HIVEP3: variants seen among roughly 807,000 people sequenced by gnomAD.
The protein encoded by HIVEP3 is transcription factor HIVEP3.
Under a neutral mutation model 152.8 loss-of-function variants are expected in HIVEP3, and 49 were observed. That is an observed-to-expected ratio of 0.32 (90% CI 0.26 to 0.41). HIVEP3 has a LOEUF of 0.41. Ranked by LOEUF, HIVEP3 falls within the 10% of genes least tolerant of loss-of-function variation. The pLI is 1.00. For synonymous variants in HIVEP3, 1,269 were observed against 1,289.0 expected (o/e 0.98, Z 0.33); for missense variants, 2,790 against 3,103.3 (o/e 0.90, Z 2.40).
At position 41,880,061 on chromosome 1, in the gene HIVEP3, CTCTTTTT is replaced by C. The variant is rs574657885; in HGVS notation, c.-801+38345_-801+38351del. ...TAATTAGCTTGCCTGGGATCATCCT[CTCTTTTT>C]TCTTTTTTCTGAGATGGGTCTCACT... On this transcript the variant is annotated intron_variant, in intron 1 of 8. Coordinates refer to ENST00000372583, the MANE Select transcript of HIVEP3 (RefSeq NM_024503.5). Among the ~76,000 whole-genome samples the C allele has an allele frequency of 3.3e-4, 50 of 152,270 alleles. 2 individuals carry two copies. The East Asian group carries it at 8.9e-3, about 27-fold the overall frequency.
intron 1 of HIVEP3, among the ~76,000 whole-genome samples, chr1:41,944,338 T>A (rs535620943): frequency 7.2e-5 from 11 of 152,350 alleles, no homozygotes; most frequent in Admixed American, 1.3e-4. Flanking sequence ...TTTGGGAATA[T>A]CTTTTAATAT....
intron 1 of HIVEP3, among the ~76,000 whole-genome samples, chr1:41,844,732 C>G (rs1462472273): frequency 6.6e-6 from 1 of 152,232 alleles, no homozygotes; most frequent in Admixed American, 6.5e-5. Context: ...CCCCGCTTTT[C>G]CCCTTATTCA....
chr1:41,692,145 G>T (rs1646207675), intron 2 of HIVEP3, among the ~76,000 whole-genome samples: 1 of 152,204 alleles, frequency 6.6e-6, no homozygotes, highest in Admixed American at 6.5e-5. Flanking sequence ...CGCCCAGTGT[G>T]GTGAAAATTT....
rs548751021 is a variant in HIVEP3, at chr1:41,881,902, G to A, written c.-801+36511C>T. ...TGGCTGCCTGTGGTATGTCCAGAGT[G>A]TAAGAGAGTTGATGAGAAACAACAA... On this transcript the variant is annotated intron_variant, in intron 1 of 8. Transcript: ENST00000372583. 1.1e-4 allele frequency among the ~76,000 whole-genome samples: 17 copies of A among 152,352 alleles called. No homozygotes were observed. In the South Asian group the frequency reaches 3.1e-3, roughly 28 times the overall value.
chr1:41,666,132 T>C (rs563449045), intron 2 of HIVEP3, among the ~76,000 whole-genome samples: 5,976 of 152,112 alleles, frequency 0.039, 371 homozygotes, highest in African/African-American at 0.13. Context: ...CGTGTGTGTG[T>C]GTGTGTGTGT....
chr1:42,023,330 T>C (rs1220989529), intron 1 of HIVEP3, among the ~76,000 whole-genome samples: 1 of 152,112 alleles, frequency 6.6e-6, no homozygotes, highest in Admixed American at 6.5e-5. Flanking sequence ...TAAGTTAATG[T>C]TTTTGGAATT....
At chr1:41,922,897 A>C (rs1280753011), upstream of HIVEP3, among the ~76,000 whole-genome samples, 1 of 152,204 alleles carries the variant, frequency 6.6e-6, no homozygotes, top group African/African-American at 2.4e-5. Context: ...GCAGGCCAAT[A>C]ATTCCATCTG....
At chr1:42,003,628 T>C (rs944233299) in intron 1 of HIVEP3, among the ~76,000 whole-genome samples, 2 of 152,030 alleles carry the variant, frequency 1.3e-5, no homozygotes, top group African/African-American at 4.8e-5. Flanking sequence ...GCCCCTCCCA[T>C]GAGGCTGCCC....
intron 3 of HIVEP3, among the ~76,000 whole-genome samples, chr1:41,619,849 C>T (rs1175735661): frequency 2.6e-5 from 4 of 152,162 alleles, no homozygotes; most frequent in Middle Eastern, 3.2e-3. Flanking sequence ...ATAGGAAATT[C>T]GCAGAGGTAG....
At chr1:41,576,822 A>C (rs1419009146) in intron 4 of HIVEP3, among the ~76,000 whole-genome samples, 1 of 152,066 alleles carries the variant, frequency 6.6e-6, no homozygotes, top group Non-Finnish European at 1.5e-5. Context: ...GTCTGAGGGG[A>C]TTTAGACCAT....
chr1:41,566,475 C>T (rs1356546616), intron 5 of HIVEP3, among the ~76,000 whole-genome samples: 2 of 152,206 alleles, frequency 1.3e-5, no homozygotes, highest in Admixed American at 1.3e-4. Context: ...AGCAAACACA[C>T]ATGAGGACTT....
intron 5 of HIVEP3, among the ~76,000 whole-genome samples, chr1:41,544,738 T>TCACCAC (rs1407330561): frequency 4.5e-5 from 3 of 66,866 alleles, no homozygotes; most frequent in African/African-American, 1.4e-4. Context: ...ACCGCTACCA[T>TCACCAC]CACCACCACT....
At chr1:41,917,561 G>A (rs1031224500) in intron 1 of HIVEP3, among the ~76,000 whole-genome samples, 2 of 152,164 alleles carry the variant, frequency 1.3e-5, no homozygotes, top group African/African-American at 4.8e-5. Flanking sequence ...AACCAGCTAC[G>A]TTAAAGGAAA....
chr1:41,968,205 A>G (rs915625492), intron 1 of HIVEP3, among the ~76,000 whole-genome samples: 1 of 152,000 alleles, frequency 6.6e-6, no homozygotes. Flanking sequence ...TTATGAGGCC[A>G]GCATAATCCT....
At chr1:41,849,292 T>G (rs1026302547) in intron 1 of HIVEP3, among the ~76,000 whole-genome samples, 10 of 152,232 alleles carry the variant, frequency 6.6e-5, no homozygotes, top group Admixed American at 6.5e-4. Context: ...TCACGACAGA[T>G]GCACGCAGAT....
chr1:41,634,246 GGTGAA>G (rs1484523806), intron 2 of HIVEP3, among the ~76,000 whole-genome samples: 20 of 152,090 alleles, frequency 1.3e-4, no homozygotes, highest in Non-Finnish European at 5.9e-5. Flanking sequence ...AGCAGAAAAA[GGTGAA>G]GTGAAGTCTA....
chr1:41,514,935 A>G (rs1642559647), intron 7 of HIVEP3, among the ~76,000 whole-genome samples: 1 of 152,246 alleles, frequency 6.6e-6, no homozygotes, highest in South Asian at 2.1e-4. Flanking sequence ...GATGACCCCA[A>G]CCAGTCGGGT....
chr1:41,760,030 G>A (rs916767533), intron 1 of HIVEP3, among the ~76,000 whole-genome samples: 29 of 152,258 alleles, frequency 1.9e-4, no homozygotes, highest in Non-Finnish European at 4.1e-4. Context: ...TGAATAAGCT[G>A]GGCATAGTGG....
At chr1:41,787,906 G>T (rs929986256) in intron 1 of HIVEP3, among the ~76,000 whole-genome samples, 2 of 152,120 alleles carry the variant, frequency 1.3e-5, no homozygotes, top group African/African-American at 2.4e-5. Flanking sequence ...AGAAATATGT[G>T]GGGAGGGGGG....
Sources: gnomAD v4.1 joint callset for allele counts (sites outside exome capture counted in the v4.1 genomes callset) on GRCh38, gnomAD v4.1.1 for gene constraint, MANE v1.5 for transcripts, NCBI Gene and HGNC (gene_info 2026-07-23, HGNC 2026-07-21) for gene names.